Variants in CDKL3 observed in about 807,000 individuals in gnomAD.
CDKL3 encodes cyclin dependent kinase like 3, also known as cyclin-dependent kinase-like 3.
In CDKL3, 65 loss-of-function variants were observed where a neutral mutation model predicts 69.3. That is an observed-to-expected ratio of 0.94 (90% CI 0.77 to 1.15). The LOEUF is 1.15. Ranked by LOEUF, CDKL3 falls within the 50% of genes most tolerant of loss-of-function variation. CDKL3 has a pLI of 0.00. For missense variants in CDKL3, 652 were observed against 689.2 expected (o/e 0.95, Z 0.61); for synonymous variants, 202 against 221.6 (o/e 0.91, Z 0.79).
At chr5:134,317,292 C>T (rs930686030) in intron 6 of CDKL3, among the ~76,000 whole-genome samples, 6 of 152,048 alleles carry the variant, frequency 3.9e-5, no homozygotes, top group Admixed American at 2.0e-4. Context: ...CACGCCACCA[C>T]GCCCGGCTAA....
At chr5:134,353,996 T>C (rs1243103650) in intron 3 of CDKL3, among the ~76,000 whole-genome samples, 1 of 152,162 alleles carries the variant, frequency 6.6e-6, no homozygotes, top group Non-Finnish European at 1.5e-5. Flanking sequence ...TATAGAATAT[T>C]AGTTTCCCGA....
chr5:134,288,567 G>A (rs1764981692), intron 8 of CDKL3, among the ~76,000 whole-genome samples: 1 of 152,218 alleles, frequency 6.6e-6, no homozygotes, highest in Admixed American at 6.5e-5. Context: ...TGCAACAAGA[G>A]TAGAGGACAC....
At chr5:134,308,750 C>T (rs968653817) in intron 7 of CDKL3, 23 bp from the exon 8 acceptor site, 22 of 1,556,096 alleles carry the variant, frequency 1.4e-5, no homozygotes, top group Admixed American at 6.8e-5. Flanking sequence ...GCAATATCAA[C>T]GAGTAATCTT....
intron 10 of CDKL3, among the ~76,000 whole-genome samples, chr5:134,306,123 A>AT (rs1580827800): frequency 6.6e-6 from 1 of 152,052 alleles, no homozygotes; most frequent in Non-Finnish European, 1.5e-5. Flanking sequence ...TATGAACTTA[A>AT]TTAATTGTGA....
intron 4 of CDKL3, among the ~76,000 whole-genome samples, chr5:134,331,672 G>A (rs1036501024): frequency 6.6e-6 from 1 of 152,118 alleles, no homozygotes; most frequent in Non-Finnish European, 1.5e-5. Context: ...TGGTGTATAT[G>A]TGCCACATTT....
At chr5:134,370,561 C>T (rs1295370380), upstream of CDKL3, among the ~76,000 whole-genome samples, 1 of 152,174 alleles carries the variant, frequency 6.6e-6, no homozygotes, top group East Asian at 1.9e-4. Context: ...CAATGGTACT[C>T]CCCCACCATA....
intron 4 of CDKL3, among the ~76,000 whole-genome samples, chr5:134,338,788 G>A (rs774165049): frequency 3.3e-5 from 5 of 152,022 alleles, no homozygotes; most frequent in South Asian, 2.1e-4. Flanking sequence ...CAGCAAAGGA[G>A]GAGCAAGAAA....
chr5:134,362,160 C>A (rs139800494), intron 2 of CDKL3, among the ~76,000 whole-genome samples: 3 of 152,308 alleles, frequency 2.0e-5, no homozygotes, highest in Non-Finnish European at 4.4e-5. Context: ...CATTACTAGA[C>A]AACTTTTCTA....
Position 134,317,841 on chromosome 5 carries a change from G to A in CDKL3, c.792+1517C>T, listed in dbSNP as rs117293201. On this transcript the variant is annotated intron_variant, in intron 6 of 12. Transcript: ENST00000265334. ...GAGGATCAGCTGAGCTCAGGAAGTCGGAACTGCAGTGAGCCGAGGTGACAC... is the reference window on the plus strand; with the variant it reads ...GAGGATCAGCTGAGCTCAGGAAGTCAGAACTGCAGTGAGCCGAGGTGACAC... Among the ~76,000 whole-genome samples the A allele has an allele frequency of 3.5e-3, 540 of 152,206 alleles. 1 individual carries two copies. The highest frequency in any genetic ancestry group is 0.029 in the East Asian group (148 of 5,178).
intron 2 of CDKL3, among the ~76,000 whole-genome samples, chr5:134,362,724 T>C (rs1437415207): frequency 2.0e-5 from 3 of 151,396 alleles, no homozygotes; most frequent in Admixed American, 1.3e-4. Flanking sequence ...AAGCCAGGAG[T>C]TCTAAATCAG....
intron 4 of CDKL3, among the ~76,000 whole-genome samples, chr5:134,338,240 C>A (rs2149549717): frequency 6.6e-6 from 1 of 152,006 alleles, no homozygotes; most frequent in Admixed American, 6.5e-5. Context: ...ATATACCACA[C>A]AAAGATGGAA....
upstream of CDKL3, among the ~76,000 whole-genome samples, chr5:134,368,393 C>T (rs993233375): frequency 3.9e-5 from 6 of 152,016 alleles, no homozygotes; most frequent in South Asian, 2.1e-4. Context: ...CCCAGGCGGG[C>T]GGATCACGAG....
upstream of CDKL3, among the ~76,000 whole-genome samples, chr5:134,370,211 C>G (rs570240206): frequency 9.2e-5 from 14 of 152,272 alleles, 1 homozygote; most frequent in African/African-American, 3.4e-4. Flanking sequence ...CTGAACAGTT[C>G]CCCAAATGGA....
intron 3 of CDKL3, among the ~76,000 whole-genome samples, chr5:134,354,509 G>C (rs998828059): frequency 6.6e-6 from 1 of 152,080 alleles, no homozygotes; most frequent in South Asian, 2.1e-4. Flanking sequence ...TTCTAATTGA[G>C]CCACTTTAAA....
At chr5:134,299,862 G>C in intron 12 of CDKL3, 1 of 665,210 alleles carries the variant, frequency 1.5e-6, no homozygotes, top group Non-Finnish European at 2.5e-6. Context: ...TGTTTCATAA[G>C]GTACAGGGAA....
chr5:134,314,532 C>G (rs1047202483), intron 6 of CDKL3, among the ~76,000 whole-genome samples: 1 of 151,916 alleles, frequency 6.6e-6, no homozygotes, highest in African/African-American at 2.4e-5. Context: ...TTTGTAATAG[C>G]GAAAAGTGGG....
At chr5:134,352,270 A>C (rs544608134) in intron 3 of CDKL3, among the ~76,000 whole-genome samples, 37 of 147,800 alleles carry the variant, frequency 2.5e-4, no homozygotes, top group Middle Eastern at 3.5e-3. Context: ...CATTTCCTTT[A>C]CGCATTCATC....
At chr5:134,291,004 C>G (rs1367541586) in intron 8 of CDKL3, among the ~76,000 whole-genome samples, 3 of 151,946 alleles carry the variant, frequency 2.0e-5, no homozygotes, top group African/African-American at 4.8e-5. Context: ...ATAAGGTGGT[C>G]AAATCCTGGA....
chr5:134,323,126 T>C (rs888159970), intron 4 of CDKL3, among the ~76,000 whole-genome samples: 10 of 152,270 alleles, frequency 6.6e-5, no homozygotes, highest in Middle Eastern at 3.4e-3. Context: ...TGTTCATCAA[T>C]AGGAAGACTC....
Sources: gnomAD v4.1 joint callset for allele counts (sites outside exome capture counted in the v4.1 genomes callset) on GRCh38, gnomAD v4.1.1 for gene constraint, MANE v1.5 for transcripts, NCBI Gene and HGNC (gene_info 2026-07-23, HGNC 2026-07-21) for gene names.